Variants in CDK13 observed in about 807,000 individuals in gnomAD.
CDK13 encodes the protein cyclin dependent kinase 13, also known as cyclin-dependent kinase 13.
CDK13 carries 40 observed loss-of-function variants against 137.6 expected under a neutral mutation model. The ratio of observed to expected loss-of-function variants is 0.29; its 90% CI spans 0.23 to 0.38. The LOEUF (loss-of-function observed/expected upper bound fraction) is 0.38. CDK13 is among the 10% of genes least tolerant of loss of function. The probability of loss-of-function intolerance (pLI) is 1.00; values close to 1 mark genes in which losing one functional copy is unlikely to be tolerated. For synonymous variants in CDK13, 869 were observed against 760.1 expected (o/e 1.14, Z -2.36); for missense variants, 1,704 against 1,951.8 (o/e 0.87, Z 2.39).
intron 9 of CDK13, among the ~76,000 whole-genome samples, chr7:40,077,729 G>A (rs903122668): frequency 2.0e-5 from 3 of 152,068 alleles, no homozygotes; most frequent in Admixed American, 2.0e-4. Context: ...GGTGGCGCAT[G>A]CCTATAATCC....
chr7:39,958,887 G>A (rs1208952009), intron 1 of CDK13, among the ~76,000 whole-genome samples: 2 of 152,086 alleles, frequency 1.3e-5, no homozygotes, highest in East Asian at 3.8e-4. Flanking sequence ...CCAACAGTGT[G>A]GAATTACCCA....
intron 1 of CDK13, among the ~76,000 whole-genome samples, chr7:39,975,913 A>T (rs1231358208): frequency 6.6e-6 from 1 of 152,234 alleles, no homozygotes; most frequent in Non-Finnish European, 1.5e-5. Flanking sequence ...TGTTTTTAAA[A>T]GACAAAGACA....
At chr7:40,063,570 T>C (rs1265542633) in intron 9 of CDK13, among the ~76,000 whole-genome samples, 1 of 152,194 alleles carries the variant, frequency 6.6e-6, no homozygotes, top group Non-Finnish European at 1.5e-5. Flanking sequence ...AGCGTAGACC[T>C]TCATTATTTG....
chr7:39,995,151 T>G (rs773399), intron 2 of CDK13, among the ~76,000 whole-genome samples: 151,460 of 152,116 alleles, frequency 1, 75,405 homozygotes, highest in East Asian at 1. Context: ...TTTAAAAAGC[T>G]CATTTTCTAT....
chr7:40,012,880 C>A (rs942300449), intron 5 of CDK13, among the ~76,000 whole-genome samples: 2 of 150,354 alleles, frequency 1.3e-5, no homozygotes, highest in Non-Finnish European at 2.9e-5. Context: ...CCACTGCACT[C>A]CAGCCTGGGC....
intron 5 of CDK13, among the ~76,000 whole-genome samples, chr7:40,021,419 C>T (rs1369852387): frequency 2.0e-5 from 3 of 151,634 alleles, no homozygotes; most frequent in African/African-American, 7.3e-5. Context: ...TCGCTTGAAT[C>T]CAAGAGGTGT....
chr7:39,982,949 T>C (rs1784260859), intron 1 of CDK13, among the ~76,000 whole-genome samples: 1 of 152,226 alleles, frequency 6.6e-6, no homozygotes, highest in Non-Finnish European at 1.5e-5. Context: ...GTGAAAATTT[T>C]CTCCCATGTT....
chr7:40,064,577 T>C (rs943196139), intron 9 of CDK13, among the ~76,000 whole-genome samples: 1 of 152,048 alleles, frequency 6.6e-6, no homozygotes, highest in African/African-American at 2.4e-5. Context: ...GTTTTTACTA[T>C]AGGGTACAGC....
intron 5 of CDK13, among the ~76,000 whole-genome samples, chr7:40,043,635 TAG>T (rs1047569227): frequency 6.6e-6 from 1 of 151,886 alleles, no homozygotes; most frequent in Non-Finnish European, 1.5e-5. Flanking sequence ...CTGGGTAACA[TAG>T]AGAGACCCCA....
At chr7:40,079,488 T>C (rs1425410775) in intron 11 of CDK13, among the ~76,000 whole-genome samples, 1 of 152,192 alleles carries the variant, frequency 6.6e-6, no homozygotes, top group Non-Finnish European at 1.5e-5. Context: ...ACACTACTAC[T>C]GGTACAGCTA....
At chr7:40,036,412 A>C (rs1051595457) in intron 5 of CDK13, among the ~76,000 whole-genome samples, 7 of 152,084 alleles carry the variant, frequency 4.6e-5, no homozygotes, top group Non-Finnish European at 1.0e-4. Flanking sequence ...TCTCTACCAA[A>C]AGTACAACAA....
intron 5 of CDK13, among the ~76,000 whole-genome samples, chr7:40,042,495 T>C (rs1345424138): frequency 1.4e-5 from 2 of 142,952 alleles, no homozygotes; most frequent in African/African-American, 5.2e-5. Context: ...TTTTTTTTTT[T>C]TTTTGACAGG....
chr7:40,048,603 T>C (rs1562748623), intron 7 of CDK13: 1 of 147,320 alleles, frequency 6.8e-6, no homozygotes, highest in African/African-American at 2.7e-5. Context: ...TTAAAGAATT[T>C]TAAAATTATT....
intron 5 of CDK13, among the ~76,000 whole-genome samples, chr7:40,042,784 CT>C (rs35787046): frequency 1.2e-3 from 178 of 143,854 alleles, no homozygotes; most frequent in East Asian, 1.4e-3. Flanking sequence ...TCCAGCCCTC[CT>C]TTTTTTTTTT....
chr7:40,044,863 C>T (rs548814163), intron 5 of CDK13, among the ~76,000 whole-genome samples: 1 of 151,910 alleles, frequency 6.6e-6, no homozygotes, highest in African/African-American at 2.4e-5. Context: ...GTCTTGATCT[C>T]CTGACCTCAT....
At chr7:40,017,605 G>A (rs1785029234) in intron 5 of CDK13, among the ~76,000 whole-genome samples, 1 of 151,916 alleles carries the variant, frequency 6.6e-6, no homozygotes, top group Admixed American at 6.6e-5. Context: ...GATTTAGAGA[G>A]ATACTAAAAT....
intron 5 of CDK13, among the ~76,000 whole-genome samples, chr7:40,021,559 T>A (rs996193788): frequency 7.2e-5 from 11 of 152,190 alleles, no homozygotes; most frequent in Non-Finnish European, 1.3e-4. Flanking sequence ...CTCCAAAAAA[T>A]TTTTGAAAAT....
intron 12 of CDK13, among the ~76,000 whole-genome samples, chr7:40,090,569 G>C (rs1786898464): frequency 6.6e-6 from 1 of 152,072 alleles, no homozygotes; most frequent in Non-Finnish European, 1.5e-5. Context: ...GGCCAGGCTG[G>C]TCTCGAACTC....
intron 1 of CDK13, among the ~76,000 whole-genome samples, chr7:39,968,661 G>A (rs185427477): frequency 6.6e-6 from 1 of 152,274 alleles, no homozygotes; most frequent in East Asian, 1.9e-4. Context: ...TTCAGTTAAT[G>A]TCTCTGTTTG....
Sources: allele counts gnomAD v4.1 joint callset (sites outside exome capture counted in the v4.1 genomes callset), GRCh38; gene constraint gnomAD v4.1.1; transcripts MANE v1.5; gene names NCBI Gene and HGNC (gene_info 2026-07-23, HGNC 2026-07-21).